The following NAV3 variants were observed in gnomAD, a reference collection of about 807,000 sequenced individuals.
NAV3 encodes pore membrane and/or filament interacting like protein 1.
Under a neutral mutation model 244.7 loss-of-function variants are expected in NAV3, and 87 were observed. That is an observed-to-expected ratio of 0.36 (90% confidence interval 0.30 to 0.42). NAV3 has a LOEUF of 0.42. Among genes scored for constraint, NAV3 ranks in the 20% least tolerant of loss-of-function variants. The pLI, the probability that NAV3 is intolerant of heterozygous loss-of-function variation, is 1.00. For synonymous variants in NAV3, 1,126 were observed against 1,042.2 expected (o/e 1.08, Z -1.55); for missense variants, 2,663 against 2,893.3 (o/e 0.92, Z 1.83).
intron 1 of NAV3, among the ~76,000 whole-genome samples, chr12:77,891,381 C>G (rs1003939167): frequency 6.6e-6 from 1 of 151,188 alleles, no homozygotes; most frequent in Admixed American, 6.6e-5. Context: ...GTAAATGTTT[C>G]TATGGTGAGC....
At chr12:78,065,139 C>T (rs954321378) in intron 12 of NAV3, among the ~76,000 whole-genome samples, 1 of 151,944 alleles carries the variant, frequency 6.6e-6, no homozygotes, top group African/African-American at 2.4e-5. Flanking sequence ...AGTTTCTCAC[C>T]GAGATAGAGC....
chr12:77,815,649 A>G (rs1400272944), intron 2 of NAV3, among the ~76,000 whole-genome samples: 1 of 152,190 alleles, frequency 6.6e-6, no homozygotes, highest in Non-Finnish European at 1.5e-5. Context: ...ACCACTTTAT[A>G]TTAGACCATC....
At chr12:77,767,076 T>A (rs7138322) in intron 2 of NAV3, among the ~76,000 whole-genome samples, 70,008 of 151,840 alleles carry the variant, frequency 0.46, 16,259 homozygotes, top group Middle Eastern at 0.51. Flanking sequence ...AAGGGAAAAA[T>A]GACTATTAAG....
At chr12:77,728,474 G>A (rs182210163) in intron 2 of NAV3, among the ~76,000 whole-genome samples, 68 of 152,000 alleles carry the variant, frequency 4.5e-4, no homozygotes, top group Non-Finnish European at 7.1e-4. Context: ...CACTGAGGAA[G>A]CTTTAGTTTA....
At chr12:78,149,989 T>C (rs1206798045) in intron 22 of NAV3, among the ~76,000 whole-genome samples, 4 of 152,300 alleles carry the variant, frequency 2.6e-5, no homozygotes, top group Non-Finnish European at 5.9e-5. Flanking sequence ...ATTTATTCTA[T>C]TTATTTTTAA....
intron 2 of NAV3, among the ~76,000 whole-genome samples, chr12:77,659,567 C>T (rs1344938785): frequency 6.6e-6 from 1 of 152,120 alleles, no homozygotes; most frequent in Non-Finnish European, 1.5e-5. Flanking sequence ...CCTCAGGGAT[C>T]TAGAACTAGA....
chr12:77,985,288 T>C (rs1870296887), intron 5 of NAV3, among the ~76,000 whole-genome samples: 1 of 152,202 alleles, frequency 6.6e-6, no homozygotes, highest in South Asian at 2.1e-4. Context: ...GATTAATTAA[T>C]TGGACAATTG....
intron 2 of NAV3, among the ~76,000 whole-genome samples, chr12:77,704,185 G>T (rs143953603): frequency 9.1e-4 from 139 of 152,154 alleles, no homozygotes; most frequent in African/African-American, 3.3e-3. Flanking sequence ...TAGATAAAAA[G>T]CTTTCTACTC....
chr12:77,985,085 G>A (rs1222476513), intron 5 of NAV3, among the ~76,000 whole-genome samples: 2 of 152,070 alleles, frequency 1.3e-5, no homozygotes, highest in Non-Finnish European at 2.9e-5. Flanking sequence ...CAAAGTGCTG[G>A]GATTACAGGC....
At chr12:77,688,437 G>GAGGATA (rs1156998363) in intron 2 of NAV3, among the ~76,000 whole-genome samples, 2 of 152,004 alleles carry the variant, frequency 1.3e-5, no homozygotes, top group Admixed American at 6.6e-5. Flanking sequence ...CCATGAGGAT[G>GAGGATA]AGGATAAGGA....
chr12:78,062,957 C>T (rs1360654708), intron 12 of NAV3, among the ~76,000 whole-genome samples: 2 of 152,008 alleles, frequency 1.3e-5, no homozygotes, highest in South Asian at 2.1e-4. Flanking sequence ...AGTGCAAAAG[C>T]AGAGTCATAG....
At chr12:77,573,789 T>C (rs1246318157) in intron 2 of NAV3, among the ~76,000 whole-genome samples, 3 of 152,284 alleles carry the variant, frequency 2.0e-5, no homozygotes, top group Non-Finnish European at 2.9e-5. Flanking sequence ...TAATTTCTGA[T>C]GGAGATGCTG....
intron 2 of NAV3, among the ~76,000 whole-genome samples, chr12:77,641,047 A>G (rs1460891226): frequency 2.6e-5 from 4 of 152,150 alleles, no homozygotes; most frequent in African/African-American, 9.7e-5. Context: ...ACTTATTTCA[A>G]GGGTGGGGAG....
intron 1 of NAV3, among the ~76,000 whole-genome samples, chr12:77,857,847 A>C (rs1465539792): frequency 6.6e-6 from 1 of 151,990 alleles, no homozygotes; most frequent in African/African-American, 2.4e-5. Context: ...TTATATTTAC[A>C]ATGCCATGGA....
chr12:77,696,400 A>G (rs534202202), intron 2 of NAV3, among the ~76,000 whole-genome samples: 1 of 152,288 alleles, frequency 6.6e-6, no homozygotes, highest in South Asian at 2.1e-4. Context: ...GACAACAGCC[A>G]GGAAGGAACA....
intron 12 of NAV3, among the ~76,000 whole-genome samples, chr12:78,082,581 G>GC (rs369572972): frequency 0.014 from 2,114 of 151,362 alleles, 21 homozygotes; most frequent in Admixed American, 0.019. Context: ...GTGTGATATA[G>GC]CCCCCCCCAC....
chr12:77,723,619 G>A (rs1261515480), intron 2 of NAV3, among the ~76,000 whole-genome samples: 2 of 151,924 alleles, frequency 1.3e-5, no homozygotes, highest in East Asian at 1.9e-4. Flanking sequence ...AGAAATCTGG[G>A]TGCAGAGCCA....
chr12:78,048,980 T>C (rs1211342182), intron 9 of NAV3, among the ~76,000 whole-genome samples: 2 of 152,216 alleles, frequency 1.3e-5, no homozygotes, highest in Non-Finnish European at 2.9e-5. Context: ...CAGTGGGCTC[T>C]GCCCAGTCCA....
At chr12:78,032,478 A>T (rs983877635) in intron 9 of NAV3, among the ~76,000 whole-genome samples, 4 of 152,220 alleles carry the variant, frequency 2.6e-5, no homozygotes, top group African/African-American at 9.6e-5. Flanking sequence ...AATATTCTTC[A>T]TAAGTCTTCA....
Sources: allele counts gnomAD v4.1 joint callset (sites outside exome capture counted in the v4.1 genomes callset), GRCh38; gene constraint gnomAD v4.1.1; transcripts MANE v1.5; gene names NCBI Gene and HGNC (gene_info 2026-07-23, HGNC 2026-07-21).